WWOX: variants seen among roughly 807,000 people sequenced by gnomAD.
WWOX encodes the protein WW domain-containing oxidoreductase.
In WWOX, 69 loss-of-function variants were observed where a neutral mutation model predicts 46.2. The ratio of observed to expected loss-of-function variants is 1.49; its 90% confidence interval spans 1.23 to 1.82. The LOEUF (loss-of-function observed/expected upper bound fraction) is 1.82. Ranked by LOEUF, WWOX falls within the 40% of genes most tolerant of loss-of-function variation. The pLI, the probability that WWOX is intolerant of heterozygous loss-of-function variation, is 0.00. For missense variants in WWOX, 919 were observed against 542.6 expected (o/e 1.69, Z -6.89); for synonymous variants, 359 against 202.6 (o/e 1.77, Z -6.56).
At chr16:78,538,377 A>G (rs1283843195) in intron 8 of WWOX, among the ~76,000 whole-genome samples, 1 of 152,076 alleles carries the variant, frequency 6.6e-6, no homozygotes, top group Non-Finnish European at 1.5e-5. Context: ...TTAATATTTT[A>G]ATTTCCCCAT....
At chr16:78,136,597 C>G (rs972547823) in intron 4 of WWOX, among the ~76,000 whole-genome samples, 3 of 152,316 alleles carry the variant, frequency 2.0e-5, no homozygotes, top group African/African-American at 7.2e-5. Flanking sequence ...TCTTAAATTA[C>G]AGAGACTTGA....
At chr16:78,717,687 G>A (rs1325179419) in intron 8 of WWOX, among the ~76,000 whole-genome samples, 2 of 152,150 alleles carry the variant, frequency 1.3e-5, no homozygotes, top group African/African-American at 4.8e-5. Flanking sequence ...GGCACTGAAG[G>A]GCAAGACTTC....
At chr16:78,111,596 G>C (rs1028431566) in intron 3 of WWOX, among the ~76,000 whole-genome samples, 3 of 152,126 alleles carry the variant, frequency 2.0e-5, no homozygotes, top group African/African-American at 7.2e-5. Flanking sequence ...AGGAGTCAGG[G>C]AACACTCTGC....
chr16:78,590,544 A>C (rs2045327902), intron 8 of WWOX, among the ~76,000 whole-genome samples: 1 of 152,236 alleles, frequency 6.6e-6, no homozygotes, highest in South Asian at 2.1e-4. Context: ...TTGAAAACAC[A>C]AAGTGTATTT....
chr16:78,624,717 A>G (rs1246280811), intron 8 of WWOX, among the ~76,000 whole-genome samples: 1 of 152,138 alleles, frequency 6.6e-6, no homozygotes, highest in Non-Finnish European at 1.5e-5. Context: ...TGAACATAAT[A>G]TGTCTATCAT....
chr16:78,806,034 C>A (rs370782028), intron 8 of WWOX, among the ~76,000 whole-genome samples: 1 of 152,092 alleles, frequency 6.6e-6, no homozygotes, highest in African/African-American at 2.4e-5. Flanking sequence ...TAATCCAAAG[C>A]CACTTGAGGC....
chr16:78,369,430 G>C (rs1417278829), intron 5 of WWOX, among the ~76,000 whole-genome samples: 1 of 152,142 alleles, frequency 6.6e-6, no homozygotes, highest in African/African-American at 2.4e-5. Context: ...ATTATAAAGA[G>C]AAGAACCAAA....
At chr16:78,144,519 A>ATT (rs2034129708) in intron 4 of WWOX, among the ~76,000 whole-genome samples, 1 of 34,678 alleles carries the variant, frequency 2.9e-5, no homozygotes, top group African/African-American at 1.1e-4. Flanking sequence ...ATATATATAT[A>ATT]TATATTTTTT....
intron 8 of WWOX, among the ~76,000 whole-genome samples, chr16:79,149,287 C>G (rs537352134): frequency 9.2e-5 from 14 of 152,246 alleles, no homozygotes; most frequent in Admixed American, 5.9e-4. Flanking sequence ...GTATGCCAAT[C>G]TATATGATCA....
intron 8 of WWOX, among the ~76,000 whole-genome samples, chr16:79,148,741 C>T (rs1000819308): frequency 2.6e-5 from 4 of 152,096 alleles, no homozygotes; most frequent in Admixed American, 2.0e-4. Flanking sequence ...TTAGTATAAA[C>T]CCACTGGAGT....
intron 8 of WWOX, among the ~76,000 whole-genome samples, chr16:78,501,230 C>G (rs2085059930): frequency 9.3e-6 from 1 of 107,634 alleles, no homozygotes; most frequent in South Asian, 2.8e-4. Context: ...GGAGCAGCAC[C>G]TGCATGTTGT....
intron 8 of WWOX, among the ~76,000 whole-genome samples, chr16:79,081,423 C>G (rs183298663): frequency 3.0e-4 from 46 of 152,296 alleles, no homozygotes; most frequent in African/African-American, 1.1e-3. Flanking sequence ...TTTGGCCTCC[C>G]AAAGCGCTGG....
chr16:78,134,549 G>C (rs1456585475), intron 4 of WWOX, among the ~76,000 whole-genome samples: 1 of 151,866 alleles, frequency 6.6e-6, no homozygotes, highest in Non-Finnish European at 1.5e-5. Flanking sequence ...TCTCTGTTTA[G>C]TTTCATATTT....
intron 8 of WWOX, among the ~76,000 whole-genome samples, chr16:79,136,804 A>C (rs923907418): frequency 1.2e-4 from 18 of 152,214 alleles, no homozygotes; most frequent in Admixed American, 8.5e-4. Context: ...CATGCCATGT[A>C]CATGCCTGTG....
intron 8 of WWOX, among the ~76,000 whole-genome samples, chr16:78,960,788 A>AT (rs927668762): frequency 4.5e-4 from 68 of 151,886 alleles, no homozygotes; most frequent in African/African-American, 1.5e-3. Context: ...TAGTCACCTT[A>AT]TTTTTTTTGT....
At chr16:78,610,092 C>T (rs2045864257) in intron 8 of WWOX, among the ~76,000 whole-genome samples, 2 of 151,936 alleles carry the variant, frequency 1.3e-5, no homozygotes, top group African/African-American at 4.8e-5. Flanking sequence ...GGTTTCTTTG[C>T]TGGTCTGTGG....
At chr16:79,113,620 G>A (rs1468949516) in intron 8 of WWOX, among the ~76,000 whole-genome samples, 1 of 152,248 alleles carries the variant, frequency 6.6e-6, no homozygotes, top group Non-Finnish European at 1.5e-5. Flanking sequence ...CAGCATAGCA[G>A]TTGGCTGGAG....
intron 8 of WWOX, among the ~76,000 whole-genome samples, chr16:78,517,508 A>G (rs1288280581): frequency 6.6e-6 from 1 of 152,206 alleles, no homozygotes; most frequent in African/African-American, 2.4e-5. Context: ...CATCCTAATG[A>G]ATGTCTACTG....
intron 8 of WWOX, among the ~76,000 whole-genome samples, chr16:78,763,372 G>A (rs556753541): frequency 5.8e-4 from 88 of 152,240 alleles, no homozygotes; most frequent in African/African-American, 2.0e-3. Flanking sequence ...ACTTGTTTCT[G>A]TTCATCCAGA....
Sources: gnomAD v4.1 joint callset for allele counts (sites outside exome capture counted in the v4.1 genomes callset) on GRCh38, gnomAD v4.1.1 for gene constraint, MANE v1.5 for transcripts, NCBI Gene and HGNC (gene_info 2026-07-23, HGNC 2026-07-21) for gene names.